Variants in EHBP1 observed in about 807,000 individuals in gnomAD.
EHBP1 encodes EH domain-binding protein 1.
In EHBP1, 55 loss-of-function variants were observed where a neutral mutation model predicts 144.0. The observed-to-expected ratio is 0.38, with a 90% CI of 0.31 to 0.48. EHBP1 has a LOEUF of 0.48. Among genes scored for constraint, EHBP1 ranks in the 20% least tolerant of loss-of-function variants. The pLI is 0.98. For synonymous variants in EHBP1, 469 were observed against 472.7 expected, an observed-to-expected ratio of 0.99 and a Z score of 0.10; for missense variants, 1,200 against 1,364.2, an observed-to-expected ratio of 0.88 and a Z score of 1.90.
At chr2:62,741,869 A>G (rs572230312) in intron 2 of EHBP1, among the ~76,000 whole-genome samples, 1 of 152,334 alleles carries the variant, frequency 6.6e-6, no homozygotes, top group African/African-American at 2.4e-5. Context: ...TTGTTGTATT[A>G]GGTATAGTAA....
intron 14 of EHBP1, among the ~76,000 whole-genome samples, chr2:62,974,922 T>TA (rs956930737): frequency 5.3e-5 from 8 of 149,720 alleles, no homozygotes; most frequent in East Asian, 2.0e-4. Flanking sequence ...CTTAGTGACG[T>TA]AAAAAAAAAA....
chr2:62,991,351 CTACTT>C (rs2059406116), intron 16 of EHBP1, among the ~76,000 whole-genome samples: 1 of 151,566 alleles, frequency 6.6e-6, no homozygotes, highest in African/African-American at 2.4e-5. Flanking sequence ...AGGGAAACTA[CTACTT>C]TAAACTGCTA....
chr2:62,758,265 C>CGTGG (rs534546579), intron 3 of EHBP1, among the ~76,000 whole-genome samples: 1 of 152,048 alleles, frequency 6.6e-6, no homozygotes, highest in South Asian at 2.1e-4. Context: ...TGCACCACCA[C>CGTGG]ACCTGGCTAA....
chr2:62,862,647 A>C (rs1250470654), intron 8 of EHBP1, among the ~76,000 whole-genome samples: 1 of 152,182 alleles, frequency 6.6e-6, no homozygotes, highest in Non-Finnish European at 1.5e-5. Flanking sequence ...AATAAATGTC[A>C]GTCATAAAAT....
chr2:62,957,641 C>CTTTTTTTTTTTTTTTTTTTTT (rs1157397512), intron 14 of EHBP1, among the ~76,000 whole-genome samples: 2 of 87,174 alleles, frequency 2.3e-5, no homozygotes, highest in African/African-American at 1.0e-4. Flanking sequence ...AAAATAAATG[C>CTTTTTTTTTTTTTTTTTTTTT]TTTTTTTTTT....
intron 2 of EHBP1, among the ~76,000 whole-genome samples, chr2:62,718,270 T>C (rs2035878135): frequency 6.6e-6 from 1 of 152,228 alleles, no homozygotes; most frequent in African/African-American, 2.4e-5. Context: ...ACATAAATCA[T>C]TTAGTTTTGT....
rs1256842738 is a variant in EHBP1 at position 62,699,541 on chromosome 2, A to G, written c.-295-7356A>G. ...TGTGGACTGGGACTTCACCATTATGAAAGTATCTTAAGTAGTTAGAAGGCT... is the reference window on the plus strand; with the variant it reads ...TGTGGACTGGGACTTCACCATTATGGAAGTATCTTAAGTAGTTAGAAGGCT... On this transcript the variant is annotated intron_variant, in intron 1 of 22. Transcript: ENST00000405015. Among the ~76,000 whole-genome samples, 3 of 152,190 alleles carry G rather than the reference A, an allele frequency of 2.0e-5. No homozygotes were observed. In the East Asian group the frequency reaches 5.8e-4, roughly 29 times the overall value.
At chr2:62,812,311 T>C (rs777952113) in intron 5 of EHBP1, among the ~76,000 whole-genome samples, 9 of 152,116 alleles carry the variant, frequency 5.9e-5, no homozygotes, top group Admixed American at 6.6e-5. Context: ...GACAGAAAAT[T>C]GGTACTGAGA....
intron 19 of EHBP1, among the ~76,000 whole-genome samples, chr2:63,035,720 CAT>C (rs1202428934): frequency 2.0e-5 from 3 of 152,020 alleles, no homozygotes; most frequent in African/African-American, 7.2e-5. Context: ...ATATTGCACA[CAT>C]GTGGCATTTC....
Position 62,996,674 on chromosome 2 carries a change from T to A in EHBP1, c.3011T>A (p.Val1004Glu), listed in dbSNP as rs752596207. 1 of 1,613,400 alleles carries A rather than the reference T, an allele frequency of 6.2e-7. No homozygotes were observed. The highest frequency in any genetic ancestry group is 1.1e-5 in the South Asian group (1 of 91,056). Reference protein sequence around the residue: ...KGFKDTSQYVVGELAALENEQ... With the variant: ...KGFKDTSQYVEGELAALENEQ... ...TTCAAAGACACCAGTCAGTATGTAG[T>A]AGGAGAATTGGCAGCACTAGAGAAT... Residue 1004 changes from valine to glutamate, a missense_variant, in exon 19 of 23, where the codon GTA becomes GAA. Transcript: ENST00000431489.
At chr2:63,010,537 C>T (rs1316856462) in intron 19 of EHBP1, among the ~76,000 whole-genome samples, 1 of 151,512 alleles carries the variant, frequency 6.6e-6, no homozygotes, top group African/African-American at 2.4e-5. Context: ...CTACCTTACT[C>T]ATGTGGAGTA....
intron 5 of EHBP1, among the ~76,000 whole-genome samples, chr2:62,815,734 T>C (rs897673015): frequency 1.3e-5 from 2 of 152,340 alleles, no homozygotes; most frequent in Middle Eastern, 3.4e-3. Flanking sequence ...GAGCTTTCAA[T>C]TGAAAATTAG....
At chr2:62,735,614 C>T (rs1231679066) in intron 2 of EHBP1, among the ~76,000 whole-genome samples, 1 of 151,976 alleles carries the variant, frequency 6.6e-6, no homozygotes, top group Non-Finnish European at 1.5e-5. Context: ...TTTATTTATC[C>T]TTTGGTACTC....
At chr2:62,790,875 G>A (rs138253599) in intron 5 of EHBP1, among the ~76,000 whole-genome samples, 1 of 152,052 alleles carries the variant, frequency 6.6e-6, no homozygotes, top group Non-Finnish European at 1.5e-5. Context: ...TTGCTTTCAG[G>A]CAGTTAATCT....
At chr2:62,888,637 T>G (rs1345156405) in intron 10 of EHBP1, among the ~76,000 whole-genome samples, 1 of 152,234 alleles carries the variant, frequency 6.6e-6, no homozygotes, top group African/African-American at 2.4e-5. Flanking sequence ...CAAATTTGGC[T>G]TATTTGCCAA....
chr2:62,694,543 T>C (rs188773899), intron 1 of EHBP1, among the ~76,000 whole-genome samples: 29 of 150,970 alleles, frequency 1.9e-4, no homozygotes, highest in Non-Finnish European at 3.2e-4. Flanking sequence ...AACTAGATAA[T>C]AATGGAAACA....
At chr2:62,812,685 T>G (rs1353106342) in intron 5 of EHBP1, among the ~76,000 whole-genome samples, 1 of 152,108 alleles carries the variant, frequency 6.6e-6, no homozygotes, top group Non-Finnish European at 1.5e-5. Flanking sequence ...GTCCAAGGGC[T>G]TTATGGAAGG....
chr2:62,987,593 CTT>C (rs1352701723), intron 15 of EHBP1, among the ~76,000 whole-genome samples: 1 of 152,062 alleles, frequency 6.6e-6, no homozygotes, highest in East Asian at 1.9e-4. Flanking sequence ...ACCAAACTAA[CTT>C]TATTTTTGTG....
chr2:62,793,847 CAT>C lies in EHBP1; in HGVS notation c.312+22456_312+22457del, dbSNP rs944105178. Among the ~76,000 whole-genome samples, 12 of 152,090 alleles carry C rather than the reference CAT, an allele frequency of 7.9e-5. 1 individual carries two copies. Among genetic ancestry groups the C allele is most frequent in the South Asian group, 6.2e-4 (3 of 4,820 alleles). ...ATAGAAATAAACAATGGTTGCCAAA[CAT>C]GTGTTAAGAAGGAGGAAAAATAAGA... is the stretch of plus-strand genomic sequence containing the variant. On this transcript the variant is annotated intron_variant, in intron 5 of 22. Coordinates refer to ENST00000431489, the MANE Select transcript of EHBP1 (RefSeq NM_001142616.3).
Sources: allele counts gnomAD v4.1 joint callset (sites outside exome capture counted in the v4.1 genomes callset), GRCh38; gene constraint gnomAD v4.1.1; transcripts MANE v1.5; gene names NCBI Gene and HGNC (gene_info 2026-07-23, HGNC 2026-07-21).